The following ADRA1B variants were observed in gnomAD, a reference collection of about 807,000 sequenced individuals.
ADRA1B encodes the protein alpha-1B adrenergic receptor.
Under a neutral mutation model 17.9 loss-of-function variants are expected in ADRA1B, and 17 were observed. The observed-to-expected ratio is 0.95, with a 90% CI of 0.65 to 1.42. The LOEUF is 1.42. ADRA1B is among the 40% of genes most tolerant of loss of function. The pLI is 0.00. For synonymous variants in ADRA1B, 366 were observed against 327.6 expected (o/e 1.12, Z -1.27); for missense variants, 681 against 722.1 (o/e 0.94, Z 0.65).
intron 1 of ADRA1B, among the ~76,000 whole-genome samples, chr5:159,903,557 T>C (rs1049312707): frequency 2.0e-5 from 3 of 152,192 alleles, no homozygotes; most frequent in African/African-American, 7.2e-5. Flanking sequence ...TTGCTCAAAG[T>C]CCTTTAGCTA....
intron 1 of ADRA1B, among the ~76,000 whole-genome samples, chr5:159,943,720 T>A (rs1286186841): frequency 4.6e-5 from 7 of 152,136 alleles, no homozygotes; most frequent in Non-Finnish European, 7.4e-5. Flanking sequence ...TGCTTTTCAT[T>A]TGATTTTTTC....
At position 159,932,449 on chromosome 5, in the gene ADRA1B, C is replaced by T. The variant is rs78133651; in HGVS notation, c.949+14595C>T. Among the ~76,000 whole-genome samples the T allele has an allele frequency of 4.9e-3, 740 of 152,274 alleles. 9 individuals carry two copies. Among genetic ancestry groups the T allele is most frequent in the African/African-American group, 0.017 (709 of 41,560 alleles). On this transcript the variant is annotated intron_variant, in intron 1 of 1. Transcript: ENST00000306675. The stretch of plus-strand genomic sequence containing the variant: ...CTGGGATTACAAGCATGAGCCACCC[C>T]GCTCAGCCTTTCCCATCTTTTTAAT...
At chr5:159,918,927 T>C (rs1274191326) in intron 1 of ADRA1B, among the ~76,000 whole-genome samples, 3 of 152,062 alleles carry the variant, frequency 2.0e-5, no homozygotes, top group Admixed American at 6.6e-5. Context: ...TGTGCCATGA[T>C]ATCAGGAGAG....
At chr5:159,898,884 G>T (rs186597795) in intron 1 of ADRA1B, among the ~76,000 whole-genome samples, 1 of 152,178 alleles carries the variant, frequency 6.6e-6, no homozygotes, top group Non-Finnish European at 1.5e-5. Context: ...AATGGTTCAT[G>T]CCTGTAATCC....
chr5:159,874,891 T>A (rs558594704), intron 1 of ADRA1B, among the ~76,000 whole-genome samples: 9 of 152,360 alleles, frequency 5.9e-5, no homozygotes, highest in African/African-American at 2.2e-4. Flanking sequence ...AAAGGGTATG[T>A]CCTTGTATTT....
chr5:159,920,371 A>AC lies in ADRA1B; in HGVS notation c.949+2522dup, dbSNP rs142523966. On this transcript the variant is annotated intron_variant, in intron 1 of 1. Transcript: ENST00000306675. ...CCCTCACTTTCTTCTTACTCACATT[A>AC]CCCCCATCGTCTCTCTCCTTTCTGT... Among the ~76,000 whole-genome samples, 744 of 151,330 alleles carry AC rather than the reference A, an allele frequency of 4.9e-3. 9 individuals carry two copies. Among genetic ancestry groups the AC allele is most frequent in the African/African-American group, 0.017 (713 of 41,160 alleles).
chr5:159,920,443 C>T (rs1369194061), intron 1 of ADRA1B, among the ~76,000 whole-genome samples: 2 of 152,188 alleles, frequency 1.3e-5, no homozygotes, highest in South Asian at 2.1e-4. Context: ...AGGTCCTGAG[C>T]TTCCACACAA....
At position 159,917,727 on chromosome 5, in the gene ADRA1B, C is replaced by G; in HGVS notation, c.822C>G (p.Asn274Lys). ...GCAGTACCAAGGCCAAGGGCCACAA[C>G]CCCAGGAGTTCCATAGCTGTCAAAC... Reference protein sequence around the residue: ...TLSSTKAKGHNPRSSIAVKLF... With the variant: ...TLSSTKAKGHKPRSSIAVKLF... Residue 274 changes from asparagine to lysine, a missense_variant, in exon 1 of 2, where the codon AAC becomes AAG. Coordinates refer to ENST00000306675, the MANE Select transcript of ADRA1B (RefSeq NM_000679.4). The G allele has an allele frequency of 1.2e-6, 2 of 1,614,116 alleles. No individual in the cohort carries two copies. Among genetic ancestry groups the G allele is most frequent in the South Asian group, 2.2e-5 (2 of 91,076 alleles).
chr5:159,931,556 C>T (rs774248108), intron 1 of ADRA1B, among the ~76,000 whole-genome samples: 2 of 152,046 alleles, frequency 1.3e-5, no homozygotes, highest in African/African-American at 2.4e-5. Flanking sequence ...GTAATTTATA[C>T]GTAACAGCAA....
intron 1 of ADRA1B, among the ~76,000 whole-genome samples, chr5:159,907,084 C>T (rs1754170382): frequency 6.6e-6 from 1 of 152,128 alleles, no homozygotes; most frequent in South Asian, 2.1e-4. Flanking sequence ...AGGAAAATTC[C>T]TGTTGACACT....
intron 1 of ADRA1B, among the ~76,000 whole-genome samples, chr5:159,889,623 C>G (rs990622739): frequency 6.6e-6 from 1 of 152,136 alleles, no homozygotes; most frequent in South Asian, 2.1e-4. Flanking sequence ...CATCCAGGTT[C>G]GAAGGACCAT....
Position 159,972,222 on chromosome 5 carries a change from G to C in ADRA1B, c.1293G>C (p.Leu431=). ...LPSASPSPGY[L]GRGAPPPVEL... The stretch of plus-strand genomic sequence containing the variant: ...CGGCCTCGCCGAGCCCGGGCTACCT[G>C]GGCCGCGGCGCGCCACCGCCAGTCG... Residue 431 remains leucine (L), a synonymous_variant, in exon 2 of 2, where the codon CTG becomes CTC. Transcript: ENST00000306675. The C allele has an allele frequency of 1.5e-6, 2 of 1,354,578 alleles. No individual in the cohort carries two copies. Among genetic ancestry groups the C allele is most frequent in the South Asian group, 1.7e-5 (1 of 58,904 alleles). 83.9% of individuals were successfully genotyped at this position (1,354,578 alleles called of 1,614,324 possible). A position where few individuals can be genotyped will look rare whatever the true frequency, so the allele number is the denominator to read the frequency against.
At chr5:159,973,205 T>C (rs1040084472), downstream of ADRA1B, among the ~76,000 whole-genome samples, 2 of 152,250 alleles carry the variant, frequency 1.3e-5, no homozygotes, top group Non-Finnish European at 2.9e-5. Context: ...AGGTCCCATT[T>C]ACGCCTTTGC....
At chr5:159,957,929 CAAAAAAAAAAA>C (rs35956137) in intron 1 of ADRA1B, among the ~76,000 whole-genome samples, 5 of 66,862 alleles carry the variant, frequency 7.5e-5, no homozygotes, top group East Asian at 3.6e-4. Flanking sequence ...AACCCCATCT[CAAAAAAAAAAA>C]AAAAAAAAAA....
At chr5:159,988,839 G>A in the ADRA1B span, among the ~76,000 whole-genome samples, 1 of 152,258 alleles carries the variant, frequency 6.6e-6, no homozygotes, top group South Asian at 2.1e-4. Context: ...AATTAGCCAG[G>A]TTTGGTGATA....
At chr5:159,963,088 T>C (rs1282307598) in intron 1 of ADRA1B, among the ~76,000 whole-genome samples, 1 of 150,706 alleles carries the variant, frequency 6.6e-6, no homozygotes, top group Non-Finnish European at 1.5e-5. Context: ...ATAACATTCA[T>C]TGGATTTTCC....
At chr5:159,922,598 GT>G (rs748919302) in intron 1 of ADRA1B, among the ~76,000 whole-genome samples, 6 of 152,170 alleles carry the variant, frequency 3.9e-5, no homozygotes, top group Non-Finnish European at 8.8e-5. Flanking sequence ...GGTCATCCAT[GT>G]TCTAGCTCAG....
At chr5:159,939,137 C>T (rs1005859734) in intron 1 of ADRA1B, among the ~76,000 whole-genome samples, 2 of 152,140 alleles carry the variant, frequency 1.3e-5, no homozygotes, top group Non-Finnish European at 2.9e-5. Context: ...CCAGCCCCTC[C>T]AGTCTTCTTC....
At chr5:159,927,380 T>TACACACACACAC (rs1754685186) in intron 1 of ADRA1B, among the ~76,000 whole-genome samples, 1 of 55,390 alleles carries the variant, frequency 1.8e-5, no homozygotes, top group South Asian at 5.1e-4. Context: ...AATTAAAACA[T>TACACACACACAC]GCACACACAC....
Sources: gnomAD v4.1 joint callset for allele counts (sites outside exome capture counted in the v4.1 genomes callset) on GRCh38, gnomAD v4.1.1 for gene constraint, MANE v1.5 for transcripts, NCBI Gene and HGNC (gene_info 2026-07-23, HGNC 2026-07-21) for gene names.